CENPU: variants seen among roughly 807,000 people sequenced by gnomAD.
CENPU encodes the protein KSHV latent nuclear antigen interacting protein 1.
CENPU carries 46 observed loss-of-function variants against 56.7 expected under a neutral mutation model. That is an observed-to-expected ratio of 0.81 (90% CI 0.64 to 1.04). The LOEUF is 1.04. Among genes scored for constraint, CENPU ranks in the 50% least tolerant of loss-of-function variants. The pLI is 0.00. For missense variants in CENPU, 510 were observed against 490.1 expected (o/e 1.04, Z -0.38); for synonymous variants, 166 against 163.0 (o/e 1.02, Z -0.14).
In CENPU at chr4:184,734,025, C is replaced by T. The variant is rs772838029; in HGVS notation, c.38G>A (p.Arg13Lys). 166 of 1,598,686 alleles carry T rather than the reference C, an allele frequency of 1.0e-4. 1 individual carries two copies. Among genetic ancestry groups the T allele is most frequent in the Non-Finnish European group, 1.4e-4 (163 of 1,174,758 alleles). Reference sequence around the variant, plus strand: ...GGTCGGCAGTACTTACCCCTCAGACCTGTGAGGCCGCGGCCGCCGCCGCCC... The same window carrying T: ...GGTCGGCAGTACTTACCCCTCAGACTTGTGAGGCCGCGGCCGCCGCCGCCC... The part of the protein sequence containing the change: ...PRGRRRPRPH[R>K]SEGARRSKNT... The change falls in exon 1 of 13, where the codon AGG (arginine) becomes AAG (lysine). Residue 13 changes from arginine to lysine, a missense_variant. Arg to Lys is a conservative substitution (Grantham distance 26, BLOSUM62 2). Transcript: ENST00000281453.
rs778516148 is a variant in CENPU at position 184,694,590 on chromosome 4, A to T, written c.*698T>A. 6 of 1,614,168 alleles carry T rather than the reference A, an allele frequency of 3.7e-6. No homozygotes were observed. In the South Asian group the frequency reaches 6.6e-5, roughly 18 times the overall value. ...ATGAAACCCAGAATCCTCATAAACC[A>T]TCACCTAGCAGGCTGTCAACAGGTG... On this transcript the variant is annotated 3_prime_UTR_variant, in exon 13 of 13. Coordinates refer to ENST00000281453, the MANE Select transcript of CENPU (RefSeq NM_024629.4).
At chr4:184,717,842 G>A (rs1249159939) in intron 4 of CENPU, among the ~76,000 whole-genome samples, 1 of 152,170 alleles carries the variant, frequency 6.6e-6, no homozygotes, top group Non-Finnish European at 1.5e-5. Context: ...GACACTTGGC[G>A]CTGACAGGTA....
intron 7 of CENPU, among the ~76,000 whole-genome samples, chr4:184,710,578 T>G (rs1485209950): frequency 6.6e-6 from 1 of 152,214 alleles, no homozygotes; most frequent in Non-Finnish European, 1.5e-5. Flanking sequence ...ACTCAGTGTA[T>G]TAATTTAAAT....
In CENPU at chr4:184,694,963, A is replaced by C. The variant is rs1348077916; in HGVS notation, c.*325T>G. ...TAGCTTTGGTGTAAATTCAGGAGAAATCGCCTTATTAATTAATCAAAATTA... is the reference window on the plus strand; with the variant it reads ...TAGCTTTGGTGTAAATTCAGGAGAACTCGCCTTATTAATTAATCAAAATTA... On this transcript the variant is annotated 3_prime_UTR_variant, in exon 13 of 13. Transcript: ENST00000281453. 3 of 576,582 alleles carry C rather than the reference A, an allele frequency of 5.2e-6. No homozygotes were observed. In the African/African-American group the frequency reaches 5.6e-5, roughly 11 times the overall value. 35.7% of individuals were successfully genotyped at this position (576,582 alleles called of 1,614,324 possible).
At chr4:184,724,159 G>A (rs775788242) in intron 4 of CENPU, among the ~76,000 whole-genome samples, 6 of 151,990 alleles carry the variant, frequency 3.9e-5, no homozygotes, top group Non-Finnish European at 8.8e-5. Flanking sequence ...CCAGCCACTC[G>A]GGAGGCTGAG....
chr4:184,725,948 G>T (rs1293469144), intron 3 of CENPU, among the ~76,000 whole-genome samples: 1 of 152,164 alleles, frequency 6.6e-6, no homozygotes, highest in Admixed American at 6.5e-5. Context: ...AGAGAGCTTG[G>T]AGAAGAAGAG....
intron 8 of CENPU, among the ~76,000 whole-genome samples, chr4:184,705,407 C>T (rs557478157): frequency 1.3e-5 from 2 of 152,172 alleles, no homozygotes; most frequent in East Asian, 3.9e-4. Context: ...GTTTCCAGGG[C>T]TTGGGGCTGT....
intron 3 of CENPU, among the ~76,000 whole-genome samples, chr4:184,725,442 A>G (rs1233156024): frequency 1.2e-4 from 18 of 152,232 alleles, no homozygotes; most frequent in Admixed American, 1.2e-3. Context: ...AATAGCTGGG[A>G]CTACAGGCAC....
At chr4:184,733,419 G>C (rs1177893526) in intron 1 of CENPU, 1 of 993,248 alleles carries the variant, frequency 1.0e-6, no homozygotes. Flanking sequence ...ATCCAGGCCG[G>C]GCCTTGGATG....
Position 184,695,307 on chromosome 4 carries a change from T to G in CENPU, c.1238A>C (p.Lys413Thr). The part of the protein sequence containing the change: ...HLRNINHQLE[K>T]LLDQG ...CTCTTCTCATCCCTGGTCAAGGAGCTTCTCTAACTGATGGTTGATATTTCG... is the reference window on the plus strand; with the variant it reads ...CTCTTCTCATCCCTGGTCAAGGAGCGTCTCTAACTGATGGTTGATATTTCG... Residue 413 changes from lysine to threonine, a missense_variant, in exon 13 of 13, where the codon AAG (lysine) becomes ACG (threonine). Physicochemically the swap from Lys to Thr is moderately conservative, Grantham distance 78. Transcript: ENST00000281453. 6.2e-7 allele frequency: 1 copy of G among 1,613,098 alleles called. No homozygotes were observed. The highest frequency in any genetic ancestry group is 8.5e-7 in the Non-Finnish European group (1 of 1,179,148).
Position 184,712,966 on chromosome 4 carries a change from T to C in CENPU, c.666A>G (p.Ser222=). 2 of 1,594,106 alleles carry C rather than the reference T, an allele frequency of 1.3e-6. No homozygotes were observed. Among genetic ancestry groups the C allele is most frequent in the Non-Finnish European group, 1.7e-6 (2 of 1,169,000 alleles). Residue 222 remains serine, a synonymous_variant, in exon 7 of 13, where the codon TCA becomes TCG. Transcript: ENST00000281453. Reference sequence around the variant, plus strand: ...TACCTGAGCCTATGGCTTTACTTCTTGATTTCTTCCTTTTGTCATGAGATA... The same window carrying C: ...TACCTGAGCCTATGGCTTTACTTCTCGATTTCTTCCTTTTGTCATGAGATA... ...GKISHDKRKK[S]RSKAIGSDTS...
At chr4:184,719,021 G>A (rs1272591766) in intron 4 of CENPU, among the ~76,000 whole-genome samples, 2 of 152,120 alleles carry the variant, frequency 1.3e-5, no homozygotes, top group African/African-American at 4.8e-5. Context: ...GGAGAAGAGA[G>A]GGCCGGAGAA....
Position 184,694,244 on chromosome 4 carries a change from C to A in CENPU, c.*1044G>T. 1.8e-6 allele frequency: 2 copies of A among 1,129,070 alleles called. No individual in the cohort carries two copies. Among genetic ancestry groups the A allele is most frequent in the Non-Finnish European group, 2.2e-6 (2 of 919,874 alleles). The allele number at this position is 1,129,070 out of a possible 1,614,324, so 69.9% of individuals were successfully genotyped here. The stretch of plus-strand genomic sequence containing the variant: ...CCACTTGTTAAAAAATTAAATCCAC[C>A]CTTGCTCTTCCGTCGGGGAGTATTG... On this transcript the variant is annotated 3_prime_UTR_variant, in exon 13 of 13. Coordinates refer to ENST00000281453, the MANE Select transcript of CENPU (RefSeq NM_024629.4).
chr4:184,724,931 A>C, intron 4 of CENPU, 26 bp downstream of exon 4: 1 of 1,417,470 alleles, frequency 7.1e-7, no homozygotes, highest in Non-Finnish European at 9.9e-7. Context: ...ACCATGAATA[A>C]ACAATTGCTT....
chr4:184,704,434 C>T (rs1161004906), intron 8 of CENPU, among the ~76,000 whole-genome samples: 3 of 152,100 alleles, frequency 2.0e-5, no homozygotes, highest in Admixed American at 6.6e-5. Flanking sequence ...GGCAACACAT[C>T]ATATAGCCGC....
chr4:184,695,469 C>G, intron 12 of CENPU, 68 bp from the exon 13 acceptor site: 2 of 1,057,970 alleles, frequency 1.9e-6, no homozygotes, highest in Non-Finnish European at 2.9e-6. Flanking sequence ...ATAGCCCAAT[C>G]TTATGACTAA....
chr4:184,725,040 A>G lies in CENPU; in HGVS notation c.237T>C (p.Ala79=), dbSNP rs377695565. 8.6e-5 allele frequency: 139 copies of G among 1,610,104 alleles called. No individual in the cohort carries two copies. The highest frequency in any genetic ancestry group is 1.2e-4 in the Admixed American group (7 of 59,372). Residue 79 remains alanine (A), a synonymous_variant, in exon 4 of 13, where the codon GCT becomes GCC. Transcript: ENST00000281453. ...AGAATTCTTCTTCATCAGCATATAT[A>G]GCTGTGCTATGTAAAGGAGGATCTT... ...ETFDPPLHST[A]IYADEEEFSK... is the part of the protein sequence containing the mutation.
chr4:184,728,873 T>C, intron 3 of CENPU, 45 bp downstream of exon 3: 3 of 1,385,592 alleles, frequency 2.2e-6, no homozygotes, highest in Non-Finnish European at 3.0e-6. Context: ...GGCCTAAATG[T>C]TGTTGCTTTA....
rs908627241 is a variant in CENPU, at chr4:184,734,034, C to CGCG, written c.26_28dup (p.Pro9dup). On this transcript the variant is annotated inframe_insertion, in exon 1 of 13. Transcript: ENST00000281453. The stretch of plus-strand genomic sequence containing the variant: ...TACTTACCCCTCAGACCTGTGAGGC[C>CGCG]GCGGCCGCCGCCGCCCCCGCGGGGC... 6.3e-7 allele frequency: 1 copy of CGCG among 1,583,608 alleles called. No individual in the cohort carries two copies. The highest frequency in any genetic ancestry group is 8.6e-7 in the Non-Finnish European group (1 of 1,167,928).
Sources: allele counts gnomAD v4.1 joint callset (sites outside exome capture counted in the v4.1 genomes callset), GRCh38; gene constraint gnomAD v4.1.1; transcripts MANE v1.5; gene names NCBI Gene and HGNC (gene_info 2026-07-23, HGNC 2026-07-21).